Variants in ADNP observed in about 807,000 individuals in gnomAD.
ADNP encodes activity-dependent neuroprotector homeobox protein.
A neutral mutation model predicts 84.9 loss-of-function variants in ADNP; 4 were observed. The observed-to-expected ratio is 0.05, with a 90% confidence interval of 0.02 to 0.11. The LOEUF (loss-of-function observed/expected upper bound fraction) is 0.11, where lower values mean the gene tolerates loss of function less well. Ranked by LOEUF, ADNP falls within the 10% of genes least tolerant of loss-of-function variation. ADNP has a pLI of 1.00. For synonymous variants in ADNP, 554 were observed against 468.1 expected, an observed-to-expected ratio of 1.18 and a Z score of -2.37; for missense variants, 1,132 against 1,326.0, an observed-to-expected ratio of 0.85 and a Z score of 2.27.
At chr20:50,897,448 C>T (rs540538692) in intron 5 of ADNP, among the ~76,000 whole-genome samples, 3 of 152,192 alleles carry the variant, frequency 2.0e-5, no homozygotes, top group Non-Finnish European at 1.5e-5. Flanking sequence ...CTCATCCACA[C>T]CCCGGTTAAA....
Position 50,892,870 on chromosome 20 carries a change from T to C in ADNP, c.1844A>G (p.Tyr615Cys). Residue 615 changes from tyrosine (Y) to cysteine (C), a missense_variant, in exon 6 of 6, where the codon TAT becomes TGT. By Grantham distance (194) the Tyr-to-Cys change is radical. Coordinates refer to ENST00000621696, the MANE Select transcript of ADNP (RefSeq NM_001282531.3). ...AAGGGTTTTCCCAACATCTTTTTTATAGGGCACTGCAGCTTGAGGTGAACT... is the reference window on the plus strand; with the variant it reads ...AAGGGTTTTCCCAACATCTTTTTTACAGGGCACTGCAGCTTGAGGTGAACT... ...VKSSPQAAVPYKKDVGKTLCP... is the reference protein window; with the variant it reads ...VKSSPQAAVPCKKDVGKTLCP... 1 of 1,614,252 alleles carries C rather than the reference T, an allele frequency of 6.2e-7. No individual in the cohort carries two copies. The highest frequency in any genetic ancestry group is 8.5e-7 in the Non-Finnish European group (1 of 1,180,046).
At chr20:50,930,096 T>A (rs3746424) in intron 1 of ADNP, among the ~76,000 whole-genome samples, 54,978 of 151,384 alleles carry the variant, frequency 0.36, 11,004 homozygotes, top group African/African-American at 0.55. Context: ...TGAATACGAG[T>A]GTGTTCACAA....
rs1394039592 is a variant in ADNP at position 50,925,993 on chromosome 20, C to CA, written c.-90+2657dup. 7.9e-5 allele frequency among the ~76,000 whole-genome samples: 12 copies of CA among 152,268 alleles called. 1 individual carries two copies. Among genetic ancestry groups the CA allele is most frequent in the African/African-American group, 2.9e-4 (12 of 41,560 alleles). On this transcript the variant is annotated intron_variant, in intron 2 of 5. Transcript: ENST00000621696. ...GCAGGCACCTGTAATCCCAACCACT[C>CA]AGAGGCTGAGGCAGGAAAATCACTC... is the stretch of plus-strand genomic sequence containing the variant.
Position 50,891,071 on chromosome 20 carries a change from C to T in ADNP, c.*334G>A. ...CACTACCATGTGAATTAGTTTAACACTTCTCAAAGACATCTGACCAATCAT... is the reference window on the plus strand; with the variant it reads ...CACTACCATGTGAATTAGTTTAACATTTCTCAAAGACATCTGACCAATCAT... On this transcript the variant is annotated 3_prime_UTR_variant, in exon 6 of 6. Transcript: ENST00000621696. 1.8e-6 allele frequency: 2 copies of T among 1,103,130 alleles called. No individual in the cohort carries two copies. Among genetic ancestry groups the T allele is most frequent in the South Asian group, 3.6e-5 (1 of 27,574 alleles). 68.3% of individuals were successfully genotyped at this position (1,103,130 alleles called of 1,614,324 possible).
At chr20:50,927,280 C>G (rs960124779) in intron 2 of ADNP, among the ~76,000 whole-genome samples, 2 of 151,972 alleles carry the variant, frequency 1.3e-5, no homozygotes, top group Non-Finnish European at 2.9e-5. Context: ...TTGGAAGGGC[C>G]AAGGGTCATT....
At chr20:50,927,094 CTGGT>C (rs1984340485) in intron 2 of ADNP, among the ~76,000 whole-genome samples, 1 of 152,160 alleles carries the variant, frequency 6.6e-6, no homozygotes, top group Non-Finnish European at 1.5e-5. Flanking sequence ...TAAAAGCCTA[CTGGT>C]TGGTTACTTG....
At chr20:50,914,710 C>T (rs564684359) in intron 2 of ADNP, among the ~76,000 whole-genome samples, 3 of 152,274 alleles carry the variant, frequency 2.0e-5, no homozygotes, top group African/African-American at 7.2e-5. Flanking sequence ...TTGTATCAGT[C>T]TCTGAAATAG....
intron 2 of ADNP, among the ~76,000 whole-genome samples, chr20:50,914,976 A>T (rs1180870107): frequency 6.7e-6 from 1 of 149,308 alleles, no homozygotes; most frequent in African/African-American, 2.4e-5. Flanking sequence ...GTACACGTGT[A>T]TTTTTTTTTT....
At position 50,902,076 on chromosome 20, in the gene ADNP, A is replaced by C; in HGVS notation, c.142T>G (p.Leu48Val). 1.2e-6 allele frequency: 2 copies of C among 1,613,730 alleles called. No individual in the cohort carries two copies. The highest frequency in any genetic ancestry group is 1.3e-5 in the African/African-American group (1 of 75,028). The change falls in exon 5 of 6, where the codon TTG (leucine) becomes GTG (valine). Residue 48 changes from leucine to valine, a missense_variant. Leu to Val is a conservative substitution (Grantham distance 32). Transcript: ENST00000621696. ...FKQFEPNDFY[L>V]KNTTWEDVGL... ...ACATCCTCCCATGTAGTGTTTTTCA[A>C]ATAAAAGTCATTAGGTTCAAATTGT...
At chr20:50,906,766 A>G (rs1982515247) in intron 2 of ADNP, among the ~76,000 whole-genome samples, 1 of 152,186 alleles carries the variant, frequency 6.6e-6, no homozygotes, top group South Asian at 2.1e-4. Context: ...CTTAGTTGTA[A>G]GAAACTTGTA....
chr20:50,911,860 A>G (rs1983072453), intron 2 of ADNP, among the ~76,000 whole-genome samples: 1 of 152,064 alleles, frequency 6.6e-6, no homozygotes, highest in Non-Finnish European at 1.5e-5. Context: ...GCTAGCCTCT[A>G]AGTCCAACTT....
At chr20:50,911,733 G>A (rs1983059621) in intron 2 of ADNP, among the ~76,000 whole-genome samples, 1 of 152,002 alleles carries the variant, frequency 6.6e-6, no homozygotes, top group South Asian at 2.1e-4. Flanking sequence ...AAGCAGAAAA[G>A]CATTTACTAG....
chr20:50,892,540 G>A lies in ADNP; in HGVS notation c.2174C>T (p.Pro725Leu), dbSNP rs750163423. The A allele has an allele frequency of 2.1e-5, 34 of 1,614,030 alleles. No individual in the cohort carries two copies. The highest frequency in any genetic ancestry group is 2.6e-5 in the Non-Finnish European group (31 of 1,180,032). ...VKRTYEQMEF[P>L]LLKKRKLDDD... Reference sequence around the variant, plus strand: ...ATCTAACTTTCGTTTTTTCAGTAAGGGAAATTCCATTTGCTCGTAAGTGCG... The same window carrying A: ...ATCTAACTTTCGTTTTTTCAGTAAGAGAAATTCCATTTGCTCGTAAGTGCG... The change falls in exon 6 of 6, where the codon CCC becomes CTC. Residue 725 changes from proline (P) to leucine (L), a missense_variant. Pro to Leu is a moderately conservative substitution (Grantham distance 98). Around this residue, in one of 10 missense-constraint regions of ADNP, gnomAD observed 101 missense variants for 78.5 expected, o/e 1.29. Transcript: ENST00000621696.
chr20:50,893,895 G>A lies in ADNP; in HGVS notation c.819C>T (p.Pro273=). Residue 273 remains proline, a synonymous_variant, in exon 6 of 6, where the codon CCC becomes CCT. Transcript: ENST00000621696. This position sits in a 1 kb window ranked among gnomAD's most constrained non-coding sequence, Gnocchi z 4.4. The part of the protein sequence containing the change: ...PRSKPLMLIA[P]KPQDKKSMGL... ...CCATGCTCTTCTTGTCTTGAGGTTT[G>A]GGAGCAATTAGCATCAAGGGTTTGG... 1 of 1,614,168 alleles carries A rather than the reference G, an allele frequency of 6.2e-7. No homozygotes were observed.
chr20:50,893,007 G>A lies in ADNP; in HGVS notation c.1707C>T (p.Tyr569=). 4 of 1,614,210 alleles carry A rather than the reference G, an allele frequency of 2.5e-6. No homozygotes were observed. Among genetic ancestry groups the A allele is most frequent in the South Asian group, 2.2e-5 (2 of 91,084 alleles). ...ATTCAGCTGGGGCATCCCTCAGATT[G>A]TATGTAGTTACCAGGAGATGGATGT... is the stretch of plus-strand genomic sequence containing the variant. ...HTNIHLLVTT[Y]NLRDAPAESV... The change falls in exon 6 of 6, where the codon TAC becomes TAT. Residue 569 remains tyrosine (Y), a synonymous_variant. Transcript: ENST00000621696. The surrounding 1 kb of genome is among the most constrained non-coding windows in gnomAD (Gnocchi z 4.4).
intron 4 of ADNP, among the ~76,000 whole-genome samples, chr20:50,903,362 G>A (rs913003006): frequency 6.6e-6 from 1 of 152,220 alleles, no homozygotes; most frequent in Non-Finnish European, 1.5e-5. Context: ...GAAAGTAATA[G>A]TCTATGATGG....
chr20:50,914,089 G>A, intron 2 of ADNP: 1 of 737,172 alleles, frequency 1.4e-6, no homozygotes, highest in South Asian at 1.5e-5. Flanking sequence ...GCATGAGATT[G>A]CTCTCATGTT....
intron 2 of ADNP, among the ~76,000 whole-genome samples, chr20:50,908,593 T>C (rs1029410346): frequency 1.3e-5 from 2 of 151,818 alleles, no homozygotes; most frequent in Non-Finnish European, 2.9e-5. Flanking sequence ...GCTAACATGG[T>C]GAAACCCCGT....
intron 2 of ADNP, among the ~76,000 whole-genome samples, chr20:50,927,913 C>A (rs1190806223): frequency 6.6e-6 from 1 of 152,206 alleles, no homozygotes; most frequent in East Asian, 1.9e-4. Flanking sequence ...ATTATATGGT[C>A]ATTTTCAGAA....
Sources: gnomAD v4.1 joint callset for allele counts (sites outside exome capture counted in the v4.1 genomes callset) on GRCh38, gnomAD v4.1.1 for gene constraint, gnomAD v4.1.1 regional missense constraint, Gnocchi (gnomAD v3.1) non-coding constraint, MANE v1.5 for transcripts, NCBI Gene and HGNC (gene_info 2026-07-23, HGNC 2026-07-21) for gene names.